Variants in TLK2 observed in about 807,000 individuals in gnomAD.
TLK2 encodes serine/threonine-protein kinase tousled-like 2.
TLK2 carries 6 observed loss-of-function variants against 117.3 expected under a neutral mutation model. That is an observed-to-expected ratio of 0.05 (90% CI 0.03 to 0.10). The LOEUF is 0.10. Among genes scored for constraint, TLK2 ranks in the 10% least tolerant of loss-of-function variants. TLK2 has a pLI of 1.00. For missense variants in TLK2, 299 were observed against 901.2 expected (o/e 0.33, Z 8.56); for synonymous variants, 257 against 316.7 (o/e 0.81, Z 2.00).
intron 21 of TLK2, among the ~76,000 whole-genome samples, chr17:62,609,622 A>G (rs1423033485): frequency 6.6e-6 from 1 of 152,228 alleles, no homozygotes; most frequent in Non-Finnish European, 1.5e-5. Flanking sequence ...GAGAAGTCCC[A>G]TGACACATCC....
At chr17:62,549,834 GT>G (rs71155939) in intron 7 of TLK2, 49,768 of 136,672 alleles carry the variant, frequency 0.36, 8,544 homozygotes, top group Admixed American at 0.41. Flanking sequence ...GTTTTGTATT[GT>G]TTTTTTTTTT....
chr17:62,553,823 T>G, intron 9 of TLK2, 68 bp downstream of exon 9: 1 of 1,023,616 alleles, frequency 9.8e-7, no homozygotes, highest in Non-Finnish European at 1.5e-6. Context: ...ATTATGTACA[T>G]ATCATAGAAG....
At chr17:62,555,869 T>C (rs1264179631) in intron 9 of TLK2, among the ~76,000 whole-genome samples, 1 of 152,112 alleles carries the variant, frequency 6.6e-6, no homozygotes, top group Non-Finnish European at 1.5e-5. Flanking sequence ...AGCTGTGCGC[T>C]CCCCAGTCCC....
At chr17:62,536,107 A>G (rs1262790098) in intron 6 of TLK2, 63 bp from the exon 7 acceptor site, 9 of 1,545,828 alleles carry the variant, frequency 5.8e-6, no homozygotes, top group Non-Finnish European at 7.9e-6. Context: ...AACCCGTTGC[A>G]TGTTTGGGCA....
chr17:62,499,066 C>T (rs771700188), intron 2 of TLK2, among the ~76,000 whole-genome samples: 32 of 152,042 alleles, frequency 2.1e-4, no homozygotes, highest in South Asian at 6.2e-4. Flanking sequence ...GTTGGCCAGG[C>T]GCAGTGACTC....
chr17:62,477,058 T>G (rs1256853198), upstream of TLK2, among the ~76,000 whole-genome samples: 1 of 151,884 alleles, frequency 6.6e-6, no homozygotes, highest in African/African-American at 2.4e-5. Flanking sequence ...ACCACTGCAC[T>G]CCAGCCTGGG....
At chr17:62,484,031 C>T (rs2072023522) in intron 2 of TLK2, among the ~76,000 whole-genome samples, 1 of 151,912 alleles carries the variant, frequency 6.6e-6, no homozygotes, top group South Asian at 2.1e-4. Flanking sequence ...ACCATATTGG[C>T]CAGGCTGATC....
chr17:62,506,684 T>A (rs1453618734), intron 2 of TLK2, among the ~76,000 whole-genome samples: 1 of 152,176 alleles, frequency 6.6e-6, no homozygotes, highest in Non-Finnish European at 1.5e-5. Context: ...TATTTCTTTG[T>A]TTTCTTTACT....
chr17:62,474,958 G>A (rs1286835591), upstream of TLK2, among the ~76,000 whole-genome samples: 1 of 151,958 alleles, frequency 6.6e-6, no homozygotes, highest in Non-Finnish European at 1.5e-5. Flanking sequence ...ACGCCACTAT[G>A]CTTGGCTCCT....
intron 11 of TLK2, among the ~76,000 whole-genome samples, chr17:62,567,324 C>T (rs940375070): frequency 1.3e-5 from 2 of 152,120 alleles, no homozygotes; most frequent in Non-Finnish European, 2.9e-5. Context: ...TTGATGCCCA[C>T]GAGGGTCTGG....
At chr17:62,495,253 C>G (rs2073530323) in intron 2 of TLK2, among the ~76,000 whole-genome samples, 1 of 151,990 alleles carries the variant, frequency 6.6e-6, no homozygotes, top group Admixed American at 6.6e-5. Context: ...CCATTGCAGT[C>G]TAGCCCGCGC....
intron 7 of TLK2, among the ~76,000 whole-genome samples, chr17:62,536,638 A>G (rs1301901712): frequency 2.6e-5 from 4 of 152,088 alleles, no homozygotes; most frequent in Non-Finnish European, 4.4e-5. Flanking sequence ...AATACAGATC[A>G]AATTCCATTA....
chr17:62,522,144 T>G, intron 3 of TLK2, 60 bp from the exon 4 acceptor site: 1 of 1,577,664 alleles, frequency 6.3e-7, no homozygotes, highest in African/African-American at 1.4e-5. Context: ...ATACTCGCTG[T>G]TTTTCCTAAC....
rs566717299 is a variant in TLK2, at chr17:62,577,073, G to A, written c.1188+298G>A. On this transcript the variant is annotated intron_variant, in intron 13 of 21. Transcript: ENST00000346027. The stretch of plus-strand genomic sequence containing the variant: ...CACCTCCCGGGCTCAAGCGATTCTC[G>A]TGTCTCAGCCTCCTGACTAGCTGGG... 8.9e-5 allele frequency among the ~76,000 whole-genome samples: 13 copies of A among 146,446 alleles called. No homozygotes were observed. The South Asian group carries it at 2.7e-3, about 30-fold the overall frequency.
At chr17:62,492,294 T>C (rs1312596920) in intron 2 of TLK2, among the ~76,000 whole-genome samples, 2 of 152,106 alleles carry the variant, frequency 1.3e-5, no homozygotes, top group African/African-American at 4.8e-5. Context: ...AAAAATACCA[T>C]AGGAGCAAGA....
At position 62,612,809 on chromosome 17, in the gene TLK2, C is replaced by CA; in HGVS notation, c.*245dup. ...CGCCCGAGGTTCCAGCGTCAACGGC[C>CA]ACTGTGTGTGGCTGCTCTGAGTGAG... On this transcript the variant is annotated 3_prime_UTR_variant, in exon 22 of 22. Transcript: ENST00000346027. The CA allele has an allele frequency of 1.5e-5, 5 of 342,584 alleles. No homozygotes were observed. In the East Asian group the frequency reaches 2.6e-4, roughly 18 times the overall value. 21.2% of individuals were successfully genotyped at this position (342,584 alleles called of 1,614,324 possible). A position where few individuals can be genotyped will look rare whatever the true frequency, so the allele number is the denominator to read the frequency against.
At chr17:62,598,936 C>T (rs1305948747) in intron 17 of TLK2, among the ~76,000 whole-genome samples, 1 of 151,800 alleles carries the variant, frequency 6.6e-6, no homozygotes, top group African/African-American at 2.4e-5. Context: ...AAATTTCAGA[C>T]ATTTCTTTTT....
intron 21 of TLK2, 25 bp from the exon 22 acceptor site, chr17:62,612,367 G>C: frequency 6.2e-7 from 1 of 1,607,072 alleles, no homozygotes; most frequent in Non-Finnish European, 8.5e-7. Context: ...ATCTGCCTCT[G>C]TCTTCAAGAA....
chr17:62,478,622 G>T (rs2071204876), upstream of TLK2, among the ~76,000 whole-genome samples: 2 of 150,932 alleles, frequency 1.3e-5, no homozygotes, highest in Admixed American at 1.3e-4. Context: ...GGGTCCCCTG[G>T]TTAACCCCTG....
Sources: gnomAD v4.1 joint callset for allele counts (sites outside exome capture counted in the v4.1 genomes callset) on GRCh38, gnomAD v4.1.1 for gene constraint, MANE v1.5 for transcripts, NCBI Gene and HGNC (gene_info 2026-07-23, HGNC 2026-07-21) for gene names.